Variants in SEMA6D observed in about 807,000 individuals in gnomAD.
SEMA6D encodes the protein semaphorin 6D, also known as semaphorin-6D.
In SEMA6D, 35 loss-of-function variants were observed where a neutral mutation model predicts 106.6. The observed-to-expected ratio is 0.33, with a 90% CI of 0.25 to 0.44. The LOEUF (loss-of-function observed/expected upper bound fraction) is 0.44, where lower values mean the gene tolerates loss of function less well. Ranked by LOEUF, SEMA6D falls within the 20% of genes least tolerant of loss-of-function variation. The probability of loss-of-function intolerance (pLI) is 1.00; values close to 1 mark genes in which losing one functional copy is unlikely to be tolerated. For missense variants in SEMA6D, 1,185 were observed against 1,345.9 expected, an observed-to-expected ratio of 0.88 and a Z score of 1.87; for synonymous variants, 499 against 487.7, an observed-to-expected ratio of 1.02 and a Z score of -0.31.
intron 2 of SEMA6D, among the ~76,000 whole-genome samples, chr15:47,417,316 A>T (rs963758331): frequency 2.0e-5 from 3 of 152,200 alleles, no homozygotes; most frequent in Non-Finnish European, 2.9e-5. Context: ...TTATGATTTC[A>T]TCCTCATATC....
At chr15:47,709,966 C>T (rs141543794) in intron 4 of SEMA6D, among the ~76,000 whole-genome samples, 1 of 151,530 alleles carries the variant, frequency 6.6e-6, no homozygotes, top group East Asian at 1.9e-4. Flanking sequence ...GTCAGCAGCC[C>T]AGACTGGGGT....
intron 16 of SEMA6D, 64 bp from the exon 17 acceptor site, chr15:47,766,973 T>G: frequency 1.1e-6 from 1 of 893,644 alleles, no homozygotes; most frequent in Non-Finnish European, 1.7e-6. Flanking sequence ...TTAATTGGAA[T>G]TCATAAATTT....
intron 4 of SEMA6D, among the ~76,000 whole-genome samples, chr15:47,647,396 A>G (rs1325535537): frequency 2.0e-5 from 3 of 152,214 alleles, no homozygotes; most frequent in Non-Finnish European, 4.4e-5. Flanking sequence ...AATTGTATTC[A>G]TGGAAGGTCT....
chr15:47,582,199 G>C (rs1052207325), intron 3 of SEMA6D, among the ~76,000 whole-genome samples: 6 of 152,160 alleles, frequency 3.9e-5, no homozygotes, highest in African/African-American at 1.4e-4. Context: ...AGACCACCCC[G>C]AGGGGTGCTT....
intron 3 of SEMA6D, among the ~76,000 whole-genome samples, chr15:47,517,190 T>A (rs1041916859): frequency 2.0e-5 from 3 of 152,146 alleles, no homozygotes; most frequent in African/African-American, 7.2e-5. Context: ...GAGAGGCAGT[T>A]GTATGGCTGC....
chr15:47,537,935 C>T (rs1013615736), intron 3 of SEMA6D, among the ~76,000 whole-genome samples: 4 of 152,014 alleles, frequency 2.6e-5, no homozygotes, highest in South Asian at 2.1e-4. Context: ...TCATAGGCAG[C>T]GATGCAGGAG....
intron 3 of SEMA6D, among the ~76,000 whole-genome samples, chr15:47,566,545 G>A (rs2046234127): frequency 6.6e-6 from 1 of 152,196 alleles, no homozygotes; most frequent in Admixed American, 6.5e-5. Context: ...TTCCCATAGT[G>A]ACAAAGAACA....
At position 47,770,486 on chromosome 15, in the gene SEMA6D, G is replaced by A. The variant is rs771002359; in HGVS notation, c.1934-11G>A. 5 of 1,569,072 alleles carry A rather than the reference G, an allele frequency of 3.2e-6. No homozygotes were observed. The Admixed American group carries it at 5.4e-5, about 17-fold the overall frequency. On this transcript the variant is annotated splice_polypyrimidine_tract_variant and intron_variant, in intron 18 of 18. Coordinates refer to ENST00000536845, the MANE Select transcript of SEMA6D (RefSeq NM_001358351.3). ...GCACCTTATTCACATTGTCCCATGTGTCTATTTCAGGTGTACGATGGGAAG... is the reference window on the plus strand; with the variant it reads ...GCACCTTATTCACATTGTCCCATGTATCTATTTCAGGTGTACGATGGGAAG...
intron 4 of SEMA6D, among the ~76,000 whole-genome samples, chr15:47,624,158 C>A (rs917631826): frequency 4.6e-5 from 7 of 152,256 alleles, no homozygotes; most frequent in Middle Eastern, 3.4e-3. Context: ...TTCTTCATGC[C>A]CTTTTTGACC....
intron 1 of SEMA6D, among the ~76,000 whole-genome samples, chr15:47,722,106 G>A (rs1467643150): frequency 1.3e-5 from 2 of 152,116 alleles, no homozygotes; most frequent in African/African-American, 2.4e-5. Context: ...CACAGCTACT[G>A]AAAGTCCTTG....
intron 1 of SEMA6D, among the ~76,000 whole-genome samples, chr15:47,386,937 G>C (rs1344694894): frequency 6.6e-6 from 1 of 152,234 alleles, no homozygotes; most frequent in Non-Finnish European, 1.5e-5. Context: ...AATGAAGGAT[G>C]CAGTGGCAAC....
At chr15:47,408,431 A>G (rs2040668897) in intron 1 of SEMA6D, among the ~76,000 whole-genome samples, 1 of 152,238 alleles carries the variant, frequency 6.6e-6, no homozygotes, top group African/African-American at 2.4e-5. Context: ...ATAACAATTT[A>G]TTAACAATGA....
At chr15:47,475,030 G>A (rs753065211) in intron 3 of SEMA6D, among the ~76,000 whole-genome samples, 4 of 152,114 alleles carry the variant, frequency 2.6e-5, no homozygotes, top group African/African-American at 4.8e-5. Context: ...CATTTCATTG[G>A]CTATAAAATA....
At chr15:47,210,969 A>G (rs564432362) in intron 1 of SEMA6D, among the ~76,000 whole-genome samples, 1 of 151,964 alleles carries the variant, frequency 6.6e-6, no homozygotes, top group Non-Finnish European at 1.5e-5. Context: ...ATGCTCATAT[A>G]TTGGCTGATA....
intron 3 of SEMA6D, among the ~76,000 whole-genome samples, chr15:47,572,596 C>T (rs1384051031): frequency 6.6e-6 from 1 of 152,144 alleles, no homozygotes; most frequent in Non-Finnish European, 1.5e-5. Flanking sequence ...CCTTCAGAAA[C>T]AGGCATTTCT....
intron 1 of SEMA6D, among the ~76,000 whole-genome samples, chr15:47,226,091 A>C (rs796087828): frequency 3.5e-4 from 54 of 152,190 alleles, no homozygotes; most frequent in African/African-American, 1.3e-3. Flanking sequence ...CAGTAGAACC[A>C]CATCTTTATA....
intron 1 of SEMA6D, among the ~76,000 whole-genome samples, chr15:47,186,282 G>C (rs1193126228): frequency 6.6e-6 from 1 of 152,148 alleles, no homozygotes; most frequent in African/African-American, 2.4e-5. Flanking sequence ...TATGACGGCA[G>C]TCTGATTCCA....
chr15:47,689,671 T>G (rs1159236551), intron 4 of SEMA6D, among the ~76,000 whole-genome samples: 1 of 152,190 alleles, frequency 6.6e-6, no homozygotes, highest in Non-Finnish European at 1.5e-5. Flanking sequence ...GAGAGACTGG[T>G]CTTTAGGAAT....
Position 47,761,712 on chromosome 15 carries a change from C to T in SEMA6D, c.499C>T (p.Pro167Ser). Residue 167 changes from proline to serine, a missense_variant, in exon 7 of 19, where the codon CCA becomes TCA. Pro to Ser is a moderately conservative substitution (Grantham distance 74). This residue lies in a region of SEMA6D where 291 missense variants were observed against 423.8 expected (regional missense o/e 0.69). Coordinates refer to ENST00000536845, the MANE Select transcript of SEMA6D (RefSeq NM_001358351.3). ...AGAAATTAGTGGCCTGGCAAGATGC[C>T]CATTTGATGCCAGACAAACCAATGT... ...GEEISGLARC[P>S]FDARQTNVAL... The T allele has an allele frequency of 6.2e-7, 1 of 1,613,220 alleles. No homozygotes were observed. Among genetic ancestry groups the T allele is most frequent in the Non-Finnish European group, 8.5e-7 (1 of 1,179,588 alleles).
Sources: gnomAD v4.1 joint callset for allele counts (sites outside exome capture counted in the v4.1 genomes callset) on GRCh38, gnomAD v4.1.1 for gene constraint, gnomAD v4.1.1 regional missense constraint, MANE v1.5 for transcripts, NCBI Gene and HGNC (gene_info 2026-07-23, HGNC 2026-07-21) for gene names.